The following CFAP44 variants were observed in gnomAD, a reference collection of about 807,000 sequenced individuals.
CFAP44 encodes cilia and flagella associated protein 44.
In CFAP44, 134 loss-of-function variants were observed where a neutral mutation model predicts 216.2. The ratio of observed to expected loss-of-function variants is 0.62; its 90% CI spans 0.54 to 0.72. CFAP44 has a LOEUF of 0.72. Ranked by LOEUF, CFAP44 falls within the 30% of genes least tolerant of loss-of-function variation. The pLI is 0.00. For synonymous variants in CFAP44, 700 were observed against 727.6 expected (o/e 0.96, Z 0.61); for missense variants, 2,035 against 2,182.1 (o/e 0.93, Z 1.34).
rs750296726 is a variant in CFAP44, at chr3:113,366,358, T to C, written c.2445-49A>G. On this transcript the variant is annotated intron_variant, in intron 18 of 34. Coordinates refer to ENST00000393845, the MANE Select transcript of CFAP44 (RefSeq NM_001164496.2). ...GTTCTTCCCATTAATCTGAAAATAA[T>C]GCTTAATTTCAACTTAATTGACAAG... 2.6e-6 allele frequency: 4 copies of C among 1,559,882 alleles called. No individual in the cohort carries two copies. The South Asian group carries it at 4.9e-5, about 19-fold the overall frequency.
At chr3:113,387,564 C>T (rs553835271) in intron 15 of CFAP44, among the ~76,000 whole-genome samples, 1 of 152,176 alleles carries the variant, frequency 6.6e-6, no homozygotes, top group African/African-American at 2.4e-5. Context: ...ACACTGTGGG[C>T]CTTGGATGAG....
chr3:113,423,183 T>C (rs184151422), intron 4 of CFAP44, among the ~76,000 whole-genome samples: 110 of 137,942 alleles, frequency 8.0e-4, no homozygotes, highest in Non-Finnish European at 8.8e-4. Context: ...GGCATGAACA[T>C]GGCTCCCTGC....
intron 22 of CFAP44, among the ~76,000 whole-genome samples, chr3:113,357,884 G>A (rs901532647): frequency 1.2e-4 from 19 of 152,164 alleles, no homozygotes; most frequent in Non-Finnish European, 1.8e-4. Context: ...ATCAAAAAAC[G>A]TACACAATGT....
chr3:113,412,946 C>G (rs973025232), intron 6 of CFAP44, among the ~76,000 whole-genome samples: 1 of 152,156 alleles, frequency 6.6e-6, no homozygotes, highest in Non-Finnish European at 1.5e-5. Context: ...GAGGAATCGC[C>G]ATACTGTCTT....
At chr3:113,411,111 T>C (rs544944458) in intron 6 of CFAP44, among the ~76,000 whole-genome samples, 1 of 152,276 alleles carries the variant, frequency 6.6e-6, no homozygotes, top group South Asian at 2.1e-4. Context: ...TTCACTCTGA[T>C]GGTAGTTTCT....
intron 16 of CFAP44, 81 bp downstream of exon 16, chr3:113,380,815 ATTC>A: frequency 2.6e-6 from 3 of 1,157,482 alleles, no homozygotes; most frequent in Non-Finnish European, 3.5e-6. Context: ...TCTTTTGTGT[ATTC>A]CATCAGCACT....
At chr3:113,381,985 T>TA (rs747782208) in intron 15 of CFAP44, among the ~76,000 whole-genome samples, 2 of 152,070 alleles carry the variant, frequency 1.3e-5, no homozygotes, top group East Asian at 1.9e-4. Context: ...AGCTTCAAGG[T>TA]AAAAAATGTA....
At chr3:113,414,862 G>T (rs1934601310) in intron 6 of CFAP44, among the ~76,000 whole-genome samples, 1 of 152,150 alleles carries the variant, frequency 6.6e-6, no homozygotes, top group Admixed American at 6.5e-5. Context: ...GTATCAGGAT[G>T]ATGCTGGCTT....
intron 15 of CFAP44, among the ~76,000 whole-genome samples, chr3:113,384,284 C>A (rs1346182476): frequency 6.6e-6 from 1 of 152,060 alleles, no homozygotes; most frequent in Non-Finnish European, 1.5e-5. Flanking sequence ...TGGTCTCGAT[C>A]CCCTGACCTT....
At chr3:113,328,202 C>CAT (rs1559912759) in intron 26 of CFAP44, among the ~76,000 whole-genome samples, 3 of 151,052 alleles carry the variant, frequency 2.0e-5, no homozygotes, top group African/African-American at 7.3e-5. Flanking sequence ...CAAATAAATA[C>CAT]GTTTCCCAAC....
chr3:113,325,735 A>G (rs1185931532), intron 28 of CFAP44, among the ~76,000 whole-genome samples: 3 of 152,240 alleles, frequency 2.0e-5, no homozygotes, highest in African/African-American at 7.2e-5. Flanking sequence ...CGGAAATATC[A>G]AGGAACTAGA....
chr3:113,312,284 C>T (rs1187208255), intron 28 of CFAP44, among the ~76,000 whole-genome samples: 5 of 147,680 alleles, frequency 3.4e-5, no homozygotes, highest in Non-Finnish European at 7.4e-5. Context: ...GGGGTTTCAC[C>T]GTGTTAGCCA....
At chr3:113,426,742 C>G (rs1441575883) in intron 3 of CFAP44, 1 of 198,724 alleles carries the variant, frequency 5.0e-6, no homozygotes, top group Non-Finnish European at 1.0e-5. Flanking sequence ...ACACAGCCTG[C>G]AATACTCTAG....
chr3:113,291,368 G>A lies in CFAP44; in HGVS notation c.*189C>T, dbSNP rs1949827127. Reference sequence around the variant, plus strand: ...GATTCAGTTTCATAACAGAGGTTGGGTGCTGCAGTCAGTTCTAAGATAACC... The same window carrying A: ...GATTCAGTTTCATAACAGAGGTTGGATGCTGCAGTCAGTTCTAAGATAACC... On this transcript the variant is annotated 3_prime_UTR_variant, in exon 35 of 35. Transcript: ENST00000393845. 1 of 597,000 alleles carries A rather than the reference G, an allele frequency of 1.7e-6. No individual in the cohort carries two copies. Among genetic ancestry groups the A allele is most frequent in the Admixed American group, 3.0e-5 (1 of 33,106 alleles). 37.0% of individuals were successfully genotyped at this position (597,000 alleles called of 1,614,324 possible).
intron 25 of CFAP44, among the ~76,000 whole-genome samples, chr3:113,332,940 C>G (rs1009520708): frequency 1.3e-5 from 2 of 152,132 alleles, no homozygotes; most frequent in African/African-American, 4.8e-5. Context: ...GAAACTGGTA[C>G]TAAAACATGG....
chr3:113,348,124 G>A (rs1179489099), intron 22 of CFAP44, among the ~76,000 whole-genome samples: 1 of 152,024 alleles, frequency 6.6e-6, no homozygotes, highest in African/African-American at 2.4e-5. Context: ...TGGGCAAGAG[G>A]GGTTTCTGCT....
intron 7 of CFAP44, 86 bp downstream of exon 7, chr3:113,409,020 A>T: frequency 1.2e-6 from 1 of 807,644 alleles, no homozygotes. Flanking sequence ...AAAAAAAAAA[A>T]AAAAAAAAAG....
At chr3:113,418,890 G>T (rs1476401784) in intron 5 of CFAP44, among the ~76,000 whole-genome samples, 2 of 151,822 alleles carry the variant, frequency 1.3e-5, no homozygotes, top group Non-Finnish European at 2.9e-5. Context: ...ATCTTTAGTA[G>T]AGACAGGGTT....
intron 32 of CFAP44, among the ~76,000 whole-genome samples, chr3:113,302,469 A>AT (rs1356826553): frequency 6.7e-6 from 1 of 149,766 alleles, no homozygotes; most frequent in Non-Finnish European, 1.5e-5. Flanking sequence ...AAAAAAAAAA[A>AT]AAAAAAAAAA....
Sources: gnomAD v4.1 joint callset for allele counts (sites outside exome capture counted in the v4.1 genomes callset) on GRCh38, gnomAD v4.1.1 for gene constraint, MANE v1.5 for transcripts, NCBI Gene and HGNC (gene_info 2026-07-23, HGNC 2026-07-21) for gene names.